Variants in ZNF433 observed in about 807,000 individuals in gnomAD.
ZNF433 encodes zinc finger protein 433.
ZNF433 carries 12 observed loss-of-function variants against 10.6 expected under a neutral mutation model. The observed-to-expected ratio is 1.13, with a 90% CI of 0.72 to 1.83. The LOEUF is 1.83. Ranked by LOEUF, ZNF433 falls within the 40% of genes most tolerant of loss-of-function variation. The pLI is 0.00. For synonymous variants in ZNF433, 272 were observed against 271.3 expected, an observed-to-expected ratio of 1.00 and a Z score of -0.02; for missense variants, 737 against 798.0, an observed-to-expected ratio of 0.92 and a Z score of 0.92.
chr19:12,018,338 C>T, intron 1 of ZNF433, 46 bp from the exon 2 acceptor site: 2 of 1,586,604 alleles, frequency 1.3e-6, no homozygotes, highest in Non-Finnish European at 1.7e-6. Flanking sequence ...AGACTAACAT[C>T]ACTGGGAAGC....
rs558226473 is a variant in ZNF433, at chr19:12,035,677, G to C, written c.-138C>G. The C allele has an allele frequency of 3.2e-6, 4 of 1,231,560 alleles. No individual in the cohort carries two copies. In the Admixed American group the frequency reaches 7.2e-5, roughly 22 times the overall value. 76.3% of individuals were successfully genotyped at this position (1,231,560 alleles called of 1,614,324 possible). On this transcript the variant is annotated 5_prime_UTR_variant, in exon 1 of 4. Coordinates refer to ENST00000550507, the MANE Select transcript of ZNF433 (RefSeq NM_001308348.2). Reference sequence around the variant, plus strand: ...AGCTCGCCGCCTGGAGCCGGGAACCGAGGAGAGCAGGGCCTTCGCCCTCCC... The same window carrying C: ...AGCTCGCCGCCTGGAGCCGGGAACCCAGGAGAGCAGGGCCTTCGCCCTCCC...
chr19:12,018,248 C>T lies in ZNF433; in HGVS notation c.48G>A (p.Glu16=). The stretch of plus-strand genomic sequence containing the variant: ...GGGAAGGATCCAGCAAAGCCCACTC[C>T]TCTTGGGTGAAGGTCACAGCCACAT... ...FEDVAVTFTQ[E]EWALLDPSQK... Residue 16 remains glutamate, a synonymous_variant, in exon 2 of 4, where the codon GAG becomes GAA. Coordinates refer to ENST00000550507, the MANE Select transcript of ZNF433 (RefSeq NM_001308348.2). 1.2e-6 allele frequency: 2 copies of T among 1,613,626 alleles called. No homozygotes were observed. Among genetic ancestry groups the T allele is most frequent in the African/African-American group, 2.7e-5 (2 of 74,990 alleles).
In ZNF433 at chr19:12,015,647, C is replaced by G. The variant is rs552135002; in HGVS notation, c.1211G>C (p.Ser404Thr). The change falls in exon 4 of 4, where the codon AGT (serine) becomes ACT (threonine). Residue 404 changes from serine to threonine, a missense_variant. Ser to Thr is a moderately conservative substitution (Grantham distance 58). Coordinates refer to ENST00000550507, the MANE Select transcript of ZNF433 (RefSeq NM_001308348.2). ...AGTTCTTTCATGATATCGGAAGGAA[C>G]TGGAAGAATTAAAGGCTTTACCACA... ...NQCGKAFNSSSSFRYHERTHT... is the reference protein window; with the variant it reads ...NQCGKAFNSSTSFRYHERTHT... The G allele has an allele frequency of 6.2e-7, 1 of 1,612,764 alleles. No individual in the cohort carries two copies. The highest frequency in any genetic ancestry group is 8.5e-7 in the Non-Finnish European group (1 of 1,179,640).
chr19:12,030,918 A>T (rs1352657842), intron 1 of ZNF433, among the ~76,000 whole-genome samples: 2 of 152,168 alleles, frequency 1.3e-5, no homozygotes, highest in Non-Finnish European at 2.9e-5. Context: ...TCTATGAAAA[A>T]TACAAAAATT....
intron 1 of ZNF433, chr19:12,034,678 C>T (rs1975191600): frequency 7.9e-6 from 3 of 380,496 alleles, no homozygotes; most frequent in Non-Finnish European, 1.6e-5. Flanking sequence ...GATACCAGAC[C>T]CTCTTCACTT....
rs376347836 is a variant in ZNF433, at chr19:12,015,789, G to A, written c.1069C>T (p.His357Tyr). The A allele has an allele frequency of 1.9e-6, 3 of 1,614,032 alleles. No homozygotes were observed. The highest frequency in any genetic ancestry group is 2.7e-5 in the African/African-American group (2 of 74,940). The change falls in exon 4 of 4, where the codon CAC (histidine) becomes TAC (tyrosine). Residue 357 changes from histidine (H) to tyrosine (Y), a missense_variant. Physicochemically the swap from His to Tyr is moderately conservative, Grantham distance 83. Coordinates refer to ENST00000550507, the MANE Select transcript of ZNF433 (RefSeq NM_001308348.2). ...LTSFQNHLGM[H>Y]TGEISHKCKI... ...CATTTATGAGATATCTCTCCAGTGTGCATTCCCAAGTGGTTTTGAAAGCTG... is the reference window on the plus strand; with the variant it reads ...CATTTATGAGATATCTCTCCAGTGTACATTCCCAAGTGGTTTTGAAAGCTG...
In ZNF433 at chr19:12,015,953, G is replaced by A. The variant is rs531245550; in HGVS notation, c.905C>T (p.Thr302Met). The change falls in exon 4 of 4, where the codon ACG (threonine) becomes ATG (methionine). Residue 302 changes from threonine to methionine, a missense_variant. Coordinates refer to ENST00000550507, the MANE Select transcript of ZNF433 (RefSeq NM_001308348.2). ...CTTACATTCATATGGCTTCTCCCCC[G>A]TGTGAGTTCTTTCATGTATTTGAAA... ...HSFQIHERTH[T>M]GEKPYECKEC... is the part of the protein sequence containing the mutation. 1.2e-4 allele frequency: 193 copies of A among 1,613,830 alleles called. No individual in the cohort carries two copies. Among genetic ancestry groups the A allele is most frequent in the Admixed American group, 1.8e-4 (11 of 59,980 alleles).
At chr19:12,028,174 A>G (rs1357382923) in intron 1 of ZNF433, among the ~76,000 whole-genome samples, 1 of 152,100 alleles carries the variant, frequency 6.6e-6, no homozygotes, top group Non-Finnish European at 1.5e-5. Flanking sequence ...TCCCCAGTAC[A>G]TAGGACTGAA....
At chr19:12,032,736 G>C (rs996995756) in intron 1 of ZNF433, among the ~76,000 whole-genome samples, 1 of 152,028 alleles carries the variant, frequency 6.6e-6, no homozygotes, top group African/African-American at 2.4e-5. Context: ...CACCTGCCTT[G>C]GCCTCTCAAA....
At chr19:12,034,747 G>T (rs894986790) in intron 1 of ZNF433, 21 of 450,900 alleles carry the variant, frequency 4.7e-5, no homozygotes, top group South Asian at 3.3e-4. Context: ...TCCACCAACG[G>T]CCACCTTCAG....
At chr19:12,035,285 C>T (rs764654341) in intron 1 of ZNF433, among the ~76,000 whole-genome samples, 44 of 152,294 alleles carry the variant, frequency 2.9e-4, no homozygotes, top group Middle Eastern at 3.4e-3. Context: ...GCAGCGGGCG[C>T]GGAGCTGCCC....
At chr19:12,025,252 C>T (rs1974680470) in intron 1 of ZNF433, 1 of 152,208 alleles carries the variant, frequency 6.6e-6, no homozygotes, top group South Asian at 2.1e-4. Flanking sequence ...GTTCATTCCA[C>T]ACCATTAGCT....
chr19:12,020,336 C>T (rs576570603), intron 1 of ZNF433, among the ~76,000 whole-genome samples: 4 of 151,742 alleles, frequency 2.6e-5, no homozygotes, highest in Admixed American at 2.0e-4. Context: ...ATAGAAATGA[C>T]CAATAAGTAT....
intron 1 of ZNF433, chr19:12,026,247 G>A (rs1348409916): frequency 6.1e-6 from 1 of 165,210 alleles, no homozygotes; most frequent in African/African-American, 2.4e-5. Context: ...GCCTTACTAT[G>A]AGCCAGATAC....
At chr19:12,026,303 C>A (rs1328139520) in intron 1 of ZNF433, 3 of 184,628 alleles carry the variant, frequency 1.6e-5, no homozygotes, top group Admixed American at 5.4e-5. Context: ...CTGGTTGCAG[C>A]CATGTCAAGA....
intron 1 of ZNF433, among the ~76,000 whole-genome samples, chr19:12,022,521 CAT>C (rs1300609892): frequency 6.6e-6 from 1 of 152,098 alleles, no homozygotes; most frequent in Non-Finnish European, 1.5e-5. Context: ...AAGTGGTGTA[CAT>C]GTGTGGGTCT....
At chr19:12,019,052 T>TAAAA (rs754859866) in intron 1 of ZNF433, among the ~76,000 whole-genome samples, 239 of 60,842 alleles carry the variant, frequency 3.9e-3, no homozygotes, top group African/African-American at 4.3e-3. Context: ...TCCATCTTAA[T>TAAAA]AAAAAAAAAA....
At chr19:12,035,473 G>A (rs923778732) in intron 1 of ZNF433, 64 bp downstream of exon 1, 1 of 1,550,220 alleles carries the variant, frequency 6.5e-7, no homozygotes, top group South Asian at 1.2e-5. Context: ...TCCCACCACA[G>A]CCGGTTCCGG....
In ZNF433 at chr19:12,028,454, A is replaced by T. The variant is rs3852906; in HGVS notation, c.3+7083T>A. On this transcript the variant is annotated intron_variant, in intron 1 of 3. Transcript: ENST00000550507. ...AGGTTATGAAACTATGAAGAAAATA[A>T]GAAAACAATAATTATCATTCGCAAT... is the stretch of plus-strand genomic sequence containing the variant. Among the ~76,000 whole-genome samples the T allele has an allele frequency of 5.1e-3, 779 of 152,334 alleles. 5 individuals carry two copies. The highest frequency in any genetic ancestry group is 0.018 in the African/African-American group (760 of 41,576).
Sources: gnomAD v4.1 joint callset for allele counts (sites outside exome capture counted in the v4.1 genomes callset) on GRCh38, gnomAD v4.1.1 for gene constraint, MANE v1.5 for transcripts, NCBI Gene and HGNC (gene_info 2026-07-23, HGNC 2026-07-21) for gene names.